The following KHDRBS2 variants were observed in gnomAD, a reference collection of about 807,000 sequenced individuals.
KHDRBS2 encodes KH RNA binding domain containing, signal transduction associated 2, also known as KH domain-containing, RNA-binding, signal transduction-associated protein 2.
In KHDRBS2, 26 loss-of-function variants were observed where a neutral mutation model predicts 44.3. The observed-to-expected ratio is 0.59, with a 90% CI of 0.43 to 0.81. KHDRBS2 has a LOEUF of 0.81. Among genes scored for constraint, KHDRBS2 ranks in the 40% least tolerant of loss-of-function variants. KHDRBS2 has a pLI of 0.00. For synonymous variants in KHDRBS2, 194 were observed against 151.1 expected (o/e 1.28, Z -2.08); for missense variants, 476 against 433.1 (o/e 1.10, Z -0.88).
intron 8 of KHDRBS2, among the ~76,000 whole-genome samples, chr6:61,695,617 C>T (rs1469277917): frequency 2.0e-5 from 3 of 152,094 alleles, no homozygotes; most frequent in Non-Finnish European, 4.4e-5. Flanking sequence ...GCCATACTCT[C>T]ACATTGACTT....
chr6:62,200,279 AC>A (rs781189339), intron 1 of KHDRBS2, among the ~76,000 whole-genome samples: 1 of 152,196 alleles, frequency 6.6e-6, no homozygotes, highest in Non-Finnish European at 1.5e-5. Flanking sequence ...AAAAGAAACT[AC>A]CATCAGAGTG....
chr6:62,269,415 C>A (rs1226027749), intron 1 of KHDRBS2, among the ~76,000 whole-genome samples: 3 of 152,012 alleles, frequency 2.0e-5, no homozygotes, highest in Non-Finnish European at 4.4e-5. Flanking sequence ...AAAAATTTTT[C>A]TCAGCATTCT....
chr6:61,748,180 G>A (rs1217610362), intron 6 of KHDRBS2, among the ~76,000 whole-genome samples: 8 of 152,032 alleles, frequency 5.3e-5, no homozygotes, highest in Non-Finnish European at 8.8e-5. Context: ...TAGTAGAGAC[G>A]GGGTTTCACT....
At chr6:61,956,502 C>T (rs775907072) in intron 4 of KHDRBS2, among the ~76,000 whole-genome samples, 2 of 152,076 alleles carry the variant, frequency 1.3e-5, no homozygotes, top group Non-Finnish European at 2.9e-5. Flanking sequence ...TTTACTTCTC[C>T]AGGATACTAA....
intron 4 of KHDRBS2, among the ~76,000 whole-genome samples, chr6:61,943,477 AT>A (rs1219826438): frequency 6.6e-6 from 1 of 152,162 alleles, no homozygotes; most frequent in African/African-American, 2.4e-5. Flanking sequence ...TCACATATCA[AT>A]AAACTTGAAT....
At chr6:61,993,485 T>G (rs1332685687) in intron 3 of KHDRBS2, among the ~76,000 whole-genome samples, 1 of 151,172 alleles carries the variant, frequency 6.6e-6, no homozygotes, top group African/African-American at 2.4e-5. Flanking sequence ...GTCTGCAAAG[T>G]TTTAATCCAA....
chr6:61,626,254 T>TA, the KHDRBS2 span, among the ~76,000 whole-genome samples: 2 of 152,198 alleles, frequency 1.3e-5, no homozygotes, highest in South Asian at 2.1e-4. Context: ...CAGAAAAAGA[T>TA]AAAAAACCAT....
intron 6 of KHDRBS2, among the ~76,000 whole-genome samples, chr6:61,882,802 T>C (rs564342799): frequency 1.2e-3 from 178 of 152,116 alleles, no homozygotes; most frequent in Admixed American, 1.8e-3. Flanking sequence ...AAGATCTCAA[T>C]CCTCATTAAC....
At chr6:61,581,487 G>A in the KHDRBS2 span, among the ~76,000 whole-genome samples, 1 of 149,772 alleles carries the variant, frequency 6.7e-6, no homozygotes, top group Non-Finnish European at 1.5e-5. Context: ...GACAAGTAGT[G>A]AAGACATAAA....
At chr6:61,913,835 G>T (rs1806486340) in intron 4 of KHDRBS2, among the ~76,000 whole-genome samples, 1 of 152,064 alleles carries the variant, frequency 6.6e-6, no homozygotes, top group African/African-American at 2.4e-5. Flanking sequence ...TAAATGGAAT[G>T]CAAAAGACAG....
At chr6:61,576,418 T>C in the KHDRBS2 span, among the ~76,000 whole-genome samples, 1 of 152,160 alleles carries the variant, frequency 6.6e-6, no homozygotes, top group Non-Finnish European at 1.5e-5. Flanking sequence ...GCTACAGATT[T>C]TGTATGCTGA....
chr6:61,712,769 T>G (rs184807538), intron 7 of KHDRBS2, among the ~76,000 whole-genome samples: 96 of 151,954 alleles, frequency 6.3e-4, no homozygotes, highest in South Asian at 1.7e-3. Flanking sequence ...GCTATTATTA[T>G]TAGTAGTAGT....
At chr6:61,758,635 C>T (rs907293124) in intron 6 of KHDRBS2, among the ~76,000 whole-genome samples, 1 of 151,804 alleles carries the variant, frequency 6.6e-6, no homozygotes, top group Non-Finnish European at 1.5e-5. Flanking sequence ...ATAATTGTAC[C>T]AAATATGGCC....
chr6:61,543,155 A>C, the KHDRBS2 span, among the ~76,000 whole-genome samples: 2 of 152,016 alleles, frequency 1.3e-5, no homozygotes, highest in Non-Finnish European at 2.9e-5. Flanking sequence ...AAAAGGAAAC[A>C]GTCTACAAAA....
At chr6:61,714,076 G>A in intron 7 of KHDRBS2, among the ~76,000 whole-genome samples, 1 of 151,732 alleles carries the variant, frequency 6.6e-6, no homozygotes. Context: ...CTTCTGCACA[G>A]CAAAATAAAT....
At chr6:61,746,402 G>T (rs1776864096) in intron 6 of KHDRBS2, among the ~76,000 whole-genome samples, 1 of 152,094 alleles carries the variant, frequency 6.6e-6, no homozygotes, top group African/African-American at 2.4e-5. Context: ...GTGAGAACAT[G>T]CTGTGTTTGG....
At chr6:62,264,505 C>A (rs1019238823) in intron 1 of KHDRBS2, among the ~76,000 whole-genome samples, 2 of 151,718 alleles carry the variant, frequency 1.3e-5, no homozygotes, top group Non-Finnish European at 2.9e-5. Context: ...CTTTTTGAAT[C>A]TACAAAAGAG....
intron 6 of KHDRBS2, among the ~76,000 whole-genome samples, chr6:61,823,182 C>T (rs1790257657): frequency 6.6e-6 from 1 of 151,968 alleles, no homozygotes; most frequent in South Asian, 2.1e-4. Context: ...TTTAATATTC[C>T]ACCACAACCA....
intron 6 of KHDRBS2, among the ~76,000 whole-genome samples, chr6:61,839,616 A>G (rs1191249809): frequency 6.6e-6 from 1 of 152,102 alleles, no homozygotes; most frequent in Non-Finnish European, 1.5e-5. Flanking sequence ...GCTTTACCAT[A>G]ATAGTAAAAT....
Sources: allele counts gnomAD v4.1 joint callset (sites outside exome capture counted in the v4.1 genomes callset), GRCh38; gene constraint gnomAD v4.1.1; transcripts MANE v1.5; gene names NCBI Gene and HGNC (gene_info 2026-07-23, HGNC 2026-07-21).